CABIN1: variants seen among roughly 807,000 people sequenced by gnomAD.
CABIN1 encodes the protein calcineurin binding protein 1.
In CABIN1, 133 loss-of-function variants were observed where a neutral mutation model predicts 227.7. That is an observed-to-expected ratio of 0.58 (90% CI 0.51 to 0.67). CABIN1 has a LOEUF of 0.67. Among genes scored for constraint, CABIN1 ranks in the 30% least tolerant of loss-of-function variants. The pLI, the probability that CABIN1 is intolerant of heterozygous loss-of-function variation, is 0.00. For missense variants in CABIN1, 2,408 were observed against 2,852.5 expected (o/e 0.84, Z 3.55); for synonymous variants, 1,086 against 1,155.1 (o/e 0.94, Z 1.21).
intron 18 of CABIN1, among the ~76,000 whole-genome samples, chr22:24,073,558 G>A (rs1390094589): frequency 3.3e-5 from 5 of 152,128 alleles, no homozygotes; most frequent in African/African-American, 1.2e-4. Context: ...ACATGTCAGG[G>A]CTCTGTGGCT....
At position 24,083,390 on chromosome 22, in the gene CABIN1, G is replaced by T. The variant is rs757262022; in HGVS notation, c.2910+1G>T. ...CCTGGAGGAACACTCGGCCCAGCAGGTGAGGGTGCTGCAATAGGCCCAACA... is the reference window on the plus strand; with the variant it reads ...CCTGGAGGAACACTCGGCCCAGCAGTTGAGGGTGCTGCAATAGGCCCAACA... On this transcript the variant is annotated splice_donor_variant, in intron 20 of 36. Transcript: ENST00000263119. LOFTEE classifies it high-confidence loss of function. The T allele has an allele frequency of 1.2e-6, 2 of 1,613,878 alleles. No individual in the cohort carries two copies. Among genetic ancestry groups the T allele is most frequent in the Non-Finnish European group, 1.7e-6 (2 of 1,180,020 alleles).
At chr22:24,169,697 C>T (rs1489600001) in intron 33 of CABIN1, among the ~76,000 whole-genome samples, 1 of 152,210 alleles carries the variant, frequency 6.6e-6, no homozygotes, top group Non-Finnish European at 1.5e-5. Flanking sequence ...CCTGCCTCCT[C>T]CACTGGCCCA....
chr22:24,113,631 G>T lies in CABIN1; in HGVS notation c.4183G>T (p.Glu1395Ter). The T allele has an allele frequency of 6.2e-7, 1 of 1,614,124 alleles. No individual in the cohort carries two copies. Among genetic ancestry groups the T allele is most frequent in the Non-Finnish European group, 8.5e-7 (1 of 1,180,024 alleles). The change falls in exon 27 of 37, where the codon GAG (glutamate) becomes TAG (stop). Residue 1395 changes from glutamate (E) to a stop codon, truncating the protein, a stop_gained. Transcript: ENST00000263119. LOFTEE classifies it high-confidence loss of function. ...TAGCTCAACGCAGGACTTCTTTAATGAGCCCACCAGCTTACTGGAAGGCTC... is the reference window on the plus strand; with the variant it reads ...TAGCTCAACGCAGGACTTCTTTAATTAGCCCACCAGCTTACTGGAAGGCTC... ...DSSSTQDFFN[E>*]PTSLLEGSRK...
At chr22:24,174,545 G>A (rs189912673) in intron 34 of CABIN1, among the ~76,000 whole-genome samples, 5 of 152,164 alleles carry the variant, frequency 3.3e-5, no homozygotes, top group Non-Finnish European at 5.9e-5. Flanking sequence ...TCTGCCTGGG[G>A]CTGTCTTGCC....
chr22:24,059,103 C>T (rs2039008866), intron 10 of CABIN1, 124 bp from the exon 11 acceptor site: 3 of 1,270,454 alleles, frequency 2.4e-6, no homozygotes, highest in Non-Finnish European at 3.4e-6. Flanking sequence ...GTTCTGGACC[C>T]CACCACCCAC....
rs1326343215 is a variant in CABIN1 at position 24,165,639 on chromosome 22, TG to T, written c.5007+14del. 2 of 1,606,212 alleles carry T rather than the reference TG, an allele frequency of 1.2e-6. No individual in the cohort carries two copies. Among genetic ancestry groups the T allele is most frequent in the African/African-American group, 2.7e-5 (2 of 74,800 alleles). On this transcript the variant is annotated intron_variant, in intron 31 of 36. Coordinates refer to ENST00000263119, the MANE Select transcript of CABIN1 (RefSeq NM_012295.4). The stretch of plus-strand genomic sequence containing the variant: ...CGAGCTCGCAGAGGTATGCCACCTG[TG>T]TCCTCCTCTCCTCCACGGCCCATGA...
At chr22:24,062,486 G>A (rs1037203633) in intron 13 of CABIN1, among the ~76,000 whole-genome samples, 2 of 151,566 alleles carry the variant, frequency 1.3e-5, no homozygotes, top group Non-Finnish European at 2.9e-5. Context: ...GCCTCCCGAG[G>A]AGCTGGGACT....
At chr22:24,097,654 G>A (rs1275825500) in intron 25 of CABIN1, among the ~76,000 whole-genome samples, 1 of 152,232 alleles carries the variant, frequency 6.6e-6, no homozygotes, top group African/African-American at 2.4e-5. Context: ...CTGCCCATTT[G>A]TCAGGTCTTA....
chr22:24,140,270 G>GC (rs1812991433), intron 29 of CABIN1, among the ~76,000 whole-genome samples: 1 of 152,190 alleles, frequency 6.6e-6, no homozygotes, highest in Admixed American at 6.5e-5. Context: ...TGACTGGCTG[G>GC]CCCCCACAGC....
intron 1 of CABIN1, among the ~76,000 whole-genome samples, chr22:24,033,148 AT>A (rs1271478699): frequency 1.3e-5 from 2 of 152,136 alleles, no homozygotes; most frequent in Admixed American, 6.5e-5. Context: ...TTTTTTCTAA[AT>A]GTGGAACCCA....
chr22:24,176,397 G>A (rs1441354593), intron 35 of CABIN1, 122 bp downstream of exon 35: 1 of 1,139,856 alleles, frequency 8.8e-7, no homozygotes, highest in Non-Finnish European at 1.3e-6. Context: ...CATGGAATGA[G>A]ATGGGGAGGA....
At chr22:24,165,925 C>A (rs2148683289) in intron 31 of CABIN1, among the ~76,000 whole-genome samples, 1 of 152,344 alleles carries the variant, frequency 6.6e-6, no homozygotes, top group South Asian at 2.1e-4. Flanking sequence ...AAGCCCTCTC[C>A]CTGGCAGGCT....
At chr22:24,116,624 A>C (rs2043103610) in intron 27 of CABIN1, among the ~76,000 whole-genome samples, 1 of 152,214 alleles carries the variant, frequency 6.6e-6, no homozygotes, top group Admixed American at 6.5e-5. Context: ...AAGTCAAAAG[A>C]GACAGACTTG....
At chr22:24,127,534 A>G (rs1200340689) in intron 28 of CABIN1, among the ~76,000 whole-genome samples, 2 of 152,230 alleles carry the variant, frequency 1.3e-5, no homozygotes, top group African/African-American at 4.8e-5. Flanking sequence ...TGGATCAGAC[A>G]ACATGGGAAA....
chr22:24,145,840 T>C (rs559825352), intron 29 of CABIN1, among the ~76,000 whole-genome samples: 26 of 152,334 alleles, frequency 1.7e-4, no homozygotes, highest in African/African-American at 5.8e-4. Context: ...CAGCTCCTAA[T>C]GCGCAATGTC....
intron 1 of CABIN1, among the ~76,000 whole-genome samples, chr22:24,023,859 G>A (rs190892515): frequency 6.6e-6 from 1 of 151,622 alleles, no homozygotes; most frequent in Non-Finnish European, 1.5e-5. Context: ...TCAGCCTTCT[G>A]AGTAGCTGGA....
At chr22:24,156,126 CGGGGCTGGGGCT>C (rs899112706) in intron 29 of CABIN1, 14 of 401,100 alleles carry the variant, frequency 3.5e-5, no homozygotes, top group Middle Eastern at 5.8e-4. Context: ...GGACTGGGGC[CGGGGCTGGGGCT>C]GCGCAACCGC....
chr22:24,071,149 G>A, intron 17 of CABIN1, 107 bp downstream of exon 17: 1 of 1,479,402 alleles, frequency 6.8e-7, no homozygotes, highest in Non-Finnish European at 9.3e-7. Flanking sequence ...GGCACCCAAA[G>A]GGGACATGAT....
intron 27 of CABIN1, 109 bp from the exon 28 acceptor site, chr22:24,119,258 C>A: frequency 1.1e-6 from 1 of 940,966 alleles, no homozygotes; most frequent in Non-Finnish European, 1.7e-6. Flanking sequence ...GGGCATTGAT[C>A]CAGCCGTGCT....
Sources: gnomAD v4.1 joint callset for allele counts (sites outside exome capture counted in the v4.1 genomes callset) on GRCh38, gnomAD v4.1.1 for gene constraint, MANE v1.5 for transcripts, NCBI Gene and HGNC (gene_info 2026-07-23, HGNC 2026-07-21) for gene names.